The following APPL1 variants were observed in gnomAD, a reference collection of about 807,000 sequenced individuals.
APPL1 encodes adaptor protein, phosphotyrosine interacting with PH domain and leucine zipper 1, also known as DCC-interacting protein 13-alpha.
A neutral mutation model predicts 106.8 loss-of-function variants in APPL1; 42 were observed. The observed-to-expected ratio is 0.39, with a 90% CI of 0.31 to 0.51. The LOEUF (loss-of-function observed/expected upper bound fraction) is 0.51. Ranked by LOEUF, APPL1 falls within the 20% of genes least tolerant of loss-of-function variation. The pLI is 0.75. For missense variants in APPL1, 769 were observed against 858.2 expected (o/e 0.90, Z 1.30); for synonymous variants, 263 against 281.8 (o/e 0.93, Z 0.67).
chr3:57,259,237 G>C (rs772814277), intron 16 of APPL1, among the ~76,000 whole-genome samples, 157 bp downstream of exon 16: 1 of 152,174 alleles, frequency 6.6e-6, no homozygotes, highest in Non-Finnish European at 1.5e-5. Context: ...TGAAGCAACA[G>C]AACTTAATCT....
chr3:57,248,202 G>T lies in APPL1; in HGVS notation c.714G>T (p.Arg238Ser). 6.2e-7 allele frequency: 1 copy of T among 1,612,056 alleles called. No homozygotes were observed. The highest frequency in any genetic ancestry group is 8.5e-7 in the Non-Finnish European group (1 of 1,178,946). ...ATCTGTTCTGTGTCAGTGTTCGCAG[G>T]GAAATGGACAGTGATATAGAGACCA... Reference protein sequence around the residue: ...NIGTSVQNVRREMDSDIETMQ... With the variant: ...NIGTSVQNVRSEMDSDIETMQ... The change falls in exon 10 of 22, where the codon AGG becomes AGT. Residue 238 changes from arginine to serine, a missense_variant. Transcript: ENST00000288266.
At chr3:57,250,052 G>A (rs1247730222) in intron 11 of APPL1, among the ~76,000 whole-genome samples, 2 of 152,170 alleles carry the variant, frequency 1.3e-5, no homozygotes, top group Admixed American at 6.5e-5. Context: ...CATATAGTAG[G>A]TGCTAACAAT....
At position 57,250,317 on chromosome 3, in the gene APPL1, T is replaced by A. The variant is rs558231650; in HGVS notation, c.1052+769T>A. On this transcript the variant is annotated intron_variant, in intron 11 of 21. Transcript: ENST00000288266. ...CACTGTGCCTGGCAATTAAAAAAAA[T>A]TTTTTTGTAGAGATGTCTCATCATG... Among the ~76,000 whole-genome samples the A allele has an allele frequency of 1.2e-3, 177 of 152,096 alleles. 2 individuals carry two copies. Among genetic ancestry groups the A allele is most frequent in the African/African-American group, 3.5e-3 (145 of 41,492 alleles).
rs773262743 is a variant in APPL1 at position 57,256,950 on chromosome 3, G to C, written c.1153-7G>C. On this transcript the variant is annotated splice_region_variant and splice_polypyrimidine_tract_variant and intron_variant, in intron 13 of 21. Transcript: ENST00000288266. ...ATATTAGTCCTTTTTTAAAAAAATTGAAATAGGAAACTGCTGCACGAGTAA... is the reference window on the plus strand; with the variant it reads ...ATATTAGTCCTTTTTTAAAAAAATTCAAATAGGAAACTGCTGCACGAGTAA... 40 of 1,611,994 alleles carry C rather than the reference G, an allele frequency of 2.5e-5. No homozygotes were observed. The highest frequency in any genetic ancestry group is 3.2e-5 in the Non-Finnish European group (38 of 1,179,230).
chr3:57,259,664 T>C, intron 16 of APPL1, 181 bp from the exon 17 acceptor site: 1 of 513,440 alleles, frequency 1.9e-6, no homozygotes, highest in South Asian at 4.1e-5. Context: ...TTCCTATAAC[T>C]TGGAATACTG....
chr3:57,249,850 G>A (rs982903113), intron 11 of APPL1, among the ~76,000 whole-genome samples: 8 of 152,278 alleles, frequency 5.3e-5, no homozygotes, highest in Admixed American at 1.3e-4. Context: ...AATGGAAAGA[G>A]TCCTAAACCT....
intron 5 of APPL1, 107 bp from the exon 6 acceptor site, chr3:57,241,994 G>T: frequency 2.6e-6 from 2 of 769,068 alleles, no homozygotes; most frequent in Non-Finnish European, 2.0e-6. Context: ...GTTGAACTAT[G>T]AAATATTATT....
chr3:57,243,302 A>G (rs2060756361), intron 7 of APPL1, among the ~76,000 whole-genome samples: 1 of 152,210 alleles, frequency 6.6e-6, no homozygotes, highest in Non-Finnish European at 1.5e-5. Flanking sequence ...GGCCCTCCTT[A>G]TTTATAGACA....
chr3:57,249,404 T>G lies in APPL1; in HGVS notation c.908T>G (p.Phe303Cys). ...TCTACCTGGGACAGACAGTTTTACT[T>G]CACGCAGGGTGGAAATTTAATGAGT... ...VSSTWDRQFY[F>C]TQGGNLMSQA... Residue 303 changes from phenylalanine to cysteine, a missense_variant, in exon 11 of 22, where the codon TTC becomes TGC. Transcript: ENST00000288266. 6.2e-7 allele frequency: 1 copy of G among 1,614,200 alleles called. No homozygotes were observed. Among genetic ancestry groups the G allele is most frequent in the Non-Finnish European group, 8.5e-7 (1 of 1,180,038 alleles).
intron 19 of APPL1, among the ~76,000 whole-genome samples, chr3:57,263,541 T>G (rs1435785226): frequency 1.3e-5 from 2 of 152,150 alleles, no homozygotes; most frequent in Non-Finnish European, 2.9e-5. Flanking sequence ...TTATTTTGCT[T>G]AACATAATGA....
intron 13 of APPL1, among the ~76,000 whole-genome samples, chr3:57,254,719 G>C (rs941801035): frequency 1.3e-5 from 2 of 152,206 alleles, no homozygotes; most frequent in Non-Finnish European, 2.9e-5. Flanking sequence ...CTGCCTCCCG[G>C]GTTCAAGCGA....
intron 19 of APPL1, among the ~76,000 whole-genome samples, chr3:57,261,813 C>T (rs4306828): frequency 0.38 from 57,752 of 152,066 alleles, 12,652 homozygotes; most frequent in East Asian, 0.85. Context: ...CCACCATACC[C>T]GGTCTATTTT....
In APPL1 at chr3:57,271,442, CTTTTG is replaced by C. The variant is rs2060939303; in HGVS notation, c.*1763_*1767del. The C allele has an allele frequency of 2.0e-5, 3 of 152,438 alleles. No homozygotes were observed. Among genetic ancestry groups the C allele is most frequent in the South Asian group, 4.1e-4 (2 of 4,828 alleles). 9.4% of individuals were successfully genotyped at this position (152,438 alleles called of 1,614,324 possible). A position where few individuals can be genotyped will look rare whatever the true frequency, so the allele number is the denominator to read the frequency against. ...ATGCTTTCACAATAGTGTATCAGTTCTTTTGTTTTGTTAAAGTTGGAATTTATTCT... is the reference window on the plus strand; with the variant it reads ...ATGCTTTCACAATAGTGTATCAGTTCTTTTGTTAAAGTTGGAATTTATTCT... On this transcript the variant is annotated 3_prime_UTR_variant, in exon 22 of 22. Transcript: ENST00000288266.
intron 19 of APPL1, among the ~76,000 whole-genome samples, chr3:57,265,642 G>A (rs2060890886): frequency 6.6e-6 from 1 of 152,120 alleles, no homozygotes; most frequent in Admixed American, 6.5e-5. Context: ...AGTTCTAATA[G>A]TTTTTTGGTG....
rs116751596 is a variant in APPL1, at chr3:57,247,569, C to T, written c.704+92C>T. ...GTAAAGATATTTATCATTTACTTTC[C>T]TGAGGGAATATTTTCCCTGCCATGA... On this transcript the variant is annotated intron_variant, in intron 9 of 21. Transcript: ENST00000288266. The T allele has an allele frequency of 1.6e-3, 1,335 of 835,310 alleles. 13 individuals carry two copies. The African/African-American group carries it at 0.022, about 13-fold the overall frequency. 51.7% of individuals were successfully genotyped at this position (835,310 alleles called of 1,614,324 possible).
intron 16 of APPL1, among the ~76,000 whole-genome samples, chr3:57,259,613 T>G (rs1041417527): frequency 6.6e-6 from 1 of 152,136 alleles, no homozygotes; most frequent in Admixed American, 6.5e-5. Flanking sequence ...TGCCAGTTGT[T>G]GAAGCATTAC....
intron 4 of APPL1, 107 bp from the exon 5 acceptor site, chr3:57,240,358 A>G (rs548957870): frequency 1.7e-4 from 137 of 817,898 alleles, no homozygotes; most frequent in Non-Finnish European, 2.4e-4. Context: ...GTGTTTTCCT[A>G]TATAAAATAT....
intron 7 of APPL1, among the ~76,000 whole-genome samples, chr3:57,244,935 TGTG>T (rs2060765079): frequency 1.3e-5 from 2 of 152,204 alleles, no homozygotes; most frequent in East Asian, 1.9e-4. Flanking sequence ...TGACAAGACT[TGTG>T]GTAATAGGAG....
chr3:57,269,353 T>A, intron 21 of APPL1, 188 bp from the exon 22 acceptor site: 1 of 512,788 alleles, frequency 2.0e-6, no homozygotes, highest in South Asian at 4.0e-5. Context: ...CTGGCTTTTA[T>A]AGGATGGTGC....
Sources: allele counts gnomAD v4.1 joint callset (sites outside exome capture counted in the v4.1 genomes callset), GRCh38; gene constraint gnomAD v4.1.1; transcripts MANE v1.5; gene names NCBI Gene and HGNC (gene_info 2026-07-23, HGNC 2026-07-21).